Variants in BLTP2 observed in about 807,000 individuals in gnomAD.
BLTP2 encodes the protein bridge-like lipid transfer protein family member 2.
the BLTP2 span, chr17:28,643,322 G>C: frequency 6.2e-7 from 1 of 1,613,550 alleles, no homozygotes; most frequent in Non-Finnish European, 8.5e-7. Context: ...CTGCCCAGAA[G>C]AGAAATCTCA....
chr17:28,640,819 G>T, the BLTP2 span: 1 of 754,590 alleles, frequency 1.3e-6, no homozygotes, highest in Non-Finnish European at 2.1e-6. Flanking sequence ...TGGACCATAA[G>T]GCGAATGCCC....
the BLTP2 span, among the ~76,000 whole-genome samples, chr17:28,631,231 G>A: frequency 2.6e-5 from 4 of 152,152 alleles, no homozygotes; most frequent in Admixed American, 2.0e-4. Flanking sequence ...GTGCACACTT[G>A]TGCTCTCTCT....
chr17:28,644,011 C>A, the BLTP2 span: 1 of 1,560,346 alleles, frequency 6.4e-7, no homozygotes, highest in Non-Finnish European at 8.7e-7. Context: ...AGTTTAAATT[C>A]AATTGGATCA....
At chr17:28,619,693 T>C in the BLTP2 span, 14 of 1,613,896 alleles carry the variant, frequency 8.7e-6, no homozygotes, top group East Asian at 2.4e-4. Flanking sequence ...CAGCTGCAGG[T>C]TGGCCTTCTC....
At chr17:28,642,598 C>T in the BLTP2 span, 1 of 562,452 alleles carries the variant, frequency 1.8e-6, no homozygotes, top group Non-Finnish European at 3.2e-6. Flanking sequence ...TTGCAGTGAG[C>T]CAAGACCGCA....
At chr17:28,635,145 G>A in the BLTP2 span, 1 of 1,614,014 alleles carries the variant, frequency 6.2e-7, no homozygotes, top group Admixed American at 1.7e-5. Flanking sequence ...GCCAAACACG[G>A]TTCCGGAGGG....
chr17:28,628,316 G>A, the BLTP2 span: 36 of 1,614,038 alleles, frequency 2.2e-5, no homozygotes, highest in South Asian at 4.4e-5. Flanking sequence ...GTGTTAACAC[G>A]AGGTGGGGCT....
the BLTP2 span, chr17:28,624,141 C>T: frequency 1.4e-6 from 2 of 1,478,990 alleles, no homozygotes; most frequent in Non-Finnish European, 1.9e-6. Context: ...TTTTGGAGCT[C>T]TATTCACCCA....
the BLTP2 span, among the ~76,000 whole-genome samples, chr17:28,627,821 AT>A: frequency 6.6e-6 from 1 of 151,268 alleles, no homozygotes; most frequent in Non-Finnish European, 1.5e-5. Flanking sequence ...TGCCTGGTTA[AT>A]TTTTTTTGTA....
chr17:28,627,690 C>T, the BLTP2 span, among the ~76,000 whole-genome samples: 3 of 151,620 alleles, frequency 2.0e-5, no homozygotes, highest in Non-Finnish European at 2.9e-5. Flanking sequence ...TGAGCCACTG[C>T]GCCCGGCCCC....
At chr17:28,638,330 G>A in the BLTP2 span, 1 of 1,613,898 alleles carries the variant, frequency 6.2e-7, no homozygotes, top group African/African-American at 1.3e-5. Context: ...GCTGAATGTG[G>A]GAGTCACTGC....
the BLTP2 span, chr17:28,620,026 G>A: frequency 1.2e-6 from 2 of 1,603,252 alleles, no homozygotes; most frequent in Non-Finnish European, 1.7e-6. Context: ...CTAAAGGAAT[G>A]GAAAGGGAAA....
the BLTP2 span, chr17:28,638,447 G>C: frequency 1.9e-6 from 3 of 1,608,108 alleles, no homozygotes; most frequent in East Asian, 6.7e-5. Flanking sequence ...GGATTGCATG[G>C]AGCCACTGTG....
the BLTP2 span, chr17:28,642,313 A>G: frequency 1.2e-6 from 2 of 1,614,198 alleles, no homozygotes; most frequent in African/African-American, 1.3e-5. Context: ...TTGATCTTAC[A>G]TAAGCTCACC....
chr17:28,639,404 G>C, the BLTP2 span: 12 of 1,613,802 alleles, frequency 7.4e-6, no homozygotes, highest in Non-Finnish European at 1.0e-5. Context: ...CCTGGTGCCG[G>C]TAGTGAATGA....
At chr17:28,621,315 G>A in the BLTP2 span, 34 of 1,423,146 alleles carry the variant, frequency 2.4e-5, no homozygotes, top group Admixed American at 3.4e-5. Flanking sequence ...ATACACTGAC[G>A]TTAAGAATAG....
chr17:28,642,671 A>G, the BLTP2 span, among the ~76,000 whole-genome samples: 1 of 152,208 alleles, frequency 6.6e-6, no homozygotes. Flanking sequence ...TTTAAAAAAA[A>G]GAGAACTTGG....
the BLTP2 span, chr17:28,640,520 A>G: frequency 6.2e-7 from 1 of 1,610,558 alleles, no homozygotes; most frequent in Non-Finnish European, 8.5e-7. Flanking sequence ...TACAGCTCCC[A>G]CTATCACTCT....
chr17:28,618,992 C>T, the BLTP2 span: 1 of 1,605,104 alleles, frequency 6.2e-7, no homozygotes, highest in Non-Finnish European at 8.5e-7. Context: ...ACAGGGGAGC[C>T]AAAGCCAGTA....
Sources: gnomAD v4.1 joint callset for allele counts (sites outside exome capture counted in the v4.1 genomes callset) on GRCh38, gnomAD v4.1.1 for gene constraint, MANE v1.5 for transcripts, NCBI Gene and HGNC (gene_info 2026-07-23, HGNC 2026-07-21) for gene names.